PLD5: variants seen among roughly 807,000 people sequenced by gnomAD.
The protein encoded by PLD5 is phospholipase D family member 5.
In PLD5, 36 loss-of-function variants were observed where a neutral mutation model predicts 61.1. That is an observed-to-expected ratio of 0.59 (90% CI 0.45 to 0.78). PLD5 has a LOEUF of 0.78. Among genes scored for constraint, PLD5 ranks in the 30% least tolerant of loss-of-function variants. The pLI, the probability that PLD5 is intolerant of heterozygous loss-of-function variation, is 0.00. For synonymous variants in PLD5, 243 were observed against 242.8 expected (o/e 1.00, Z -0.01); for missense variants, 515 against 644.4 (o/e 0.80, Z 2.17).
chr1:242,199,723 G>A (rs1038292942), intron 5 of PLD5, among the ~76,000 whole-genome samples: 3 of 152,038 alleles, frequency 2.0e-5, no homozygotes, highest in Admixed American at 2.0e-4. Flanking sequence ...GCCTCCATGT[G>A]TACACATTAT....
intron 5 of PLD5, among the ~76,000 whole-genome samples, chr1:242,191,129 T>G (rs560062098): frequency 0.02 from 2,963 of 145,008 alleles, 88 homozygotes; most frequent in African/African-American, 0.079. Flanking sequence ...CTATGGAGTT[T>G]TTTTTTTTTT....
chr1:242,228,012 A>G (rs1273990047), intron 4 of PLD5, among the ~76,000 whole-genome samples: 3 of 152,210 alleles, frequency 2.0e-5, no homozygotes, highest in Non-Finnish European at 2.9e-5. Flanking sequence ...TCTAGGTTAA[A>G]CACTAGTTTC....
At chr1:242,234,124 C>T (rs1228408358) in intron 4 of PLD5, among the ~76,000 whole-genome samples, 1 of 152,090 alleles carries the variant, frequency 6.6e-6, no homozygotes, top group Non-Finnish European at 1.5e-5. Flanking sequence ...ATTTATTCTT[C>T]TTCCAGAAAA....
At chr1:242,228,670 G>A (rs1671105754) in intron 4 of PLD5, among the ~76,000 whole-genome samples, 1 of 151,630 alleles carries the variant, frequency 6.6e-6, no homozygotes. Flanking sequence ...AGGAGGGAGA[G>A]GGAGAGAGAG....
At chr1:242,133,242 C>G (rs1663441686) in intron 5 of PLD5, among the ~76,000 whole-genome samples, 1 of 152,108 alleles carries the variant, frequency 6.6e-6, no homozygotes, top group African/African-American at 2.4e-5. Flanking sequence ...AATTTTGTAA[C>G]TTCACTTTAG....
chr1:242,243,107 C>T (rs1430590681), intron 4 of PLD5, among the ~76,000 whole-genome samples: 1 of 152,222 alleles, frequency 6.6e-6, no homozygotes, highest in Non-Finnish European at 1.5e-5. Context: ...GCATCTGGGG[C>T]TGCCAAACAG....
At chr1:242,190,708 C>A (rs913650452) in intron 5 of PLD5, among the ~76,000 whole-genome samples, 10 of 151,490 alleles carry the variant, frequency 6.6e-5, no homozygotes, top group Admixed American at 5.9e-4. Context: ...ATGGCAAAAC[C>A]TCATCTCTTA....
intron 9 of PLD5, among the ~76,000 whole-genome samples, chr1:242,097,708 C>G (rs1407716296): frequency 6.6e-6 from 1 of 152,174 alleles, no homozygotes; most frequent in Non-Finnish European, 1.5e-5. Flanking sequence ...CCTATTCACT[C>G]TGATGGTAGT....
chr1:242,317,180 A>G (rs980448292), intron 2 of PLD5, among the ~76,000 whole-genome samples: 10 of 151,996 alleles, frequency 6.6e-5, no homozygotes, highest in African/African-American at 2.4e-4. Flanking sequence ...TGCTCGGCTA[A>G]TTTTTTGTAT....
At chr1:242,244,273 C>G (rs1303175706) in intron 4 of PLD5, among the ~76,000 whole-genome samples, 1 of 152,180 alleles carries the variant, frequency 6.6e-6, no homozygotes, top group Non-Finnish European at 1.5e-5. Flanking sequence ...AGGAGCCTCA[C>G]CGGCAGGCAC....
intron 3 of PLD5, among the ~76,000 whole-genome samples, chr1:242,284,348 G>A (rs1286502306): frequency 6.6e-6 from 1 of 151,758 alleles, no homozygotes; most frequent in Non-Finnish European, 1.5e-5. Flanking sequence ...TGTTTGCCAG[G>A]CTGGTTTCAA....
At chr1:242,303,581 T>A (rs1676182590) in intron 2 of PLD5, among the ~76,000 whole-genome samples, 1 of 152,264 alleles carries the variant, frequency 6.6e-6, no homozygotes, top group Admixed American at 6.5e-5. Context: ...GGTTCAGGAT[T>A]TATCCTTGGA....
At chr1:242,312,410 C>T (rs1476384788) in intron 2 of PLD5, among the ~76,000 whole-genome samples, 1 of 152,044 alleles carries the variant, frequency 6.6e-6, no homozygotes. Context: ...TGTGTGCACG[C>T]TTTTTTCTGA....
intron 1 of PLD5, among the ~76,000 whole-genome samples, chr1:242,495,322 C>T (rs182947906): frequency 1.3e-5 from 2 of 152,178 alleles, no homozygotes; most frequent in East Asian, 1.9e-4. Context: ...TAGACGGACA[C>T]CACTTCTTCC....
chr1:242,343,552 G>A (rs1433949064), intron 2 of PLD5, among the ~76,000 whole-genome samples: 1 of 150,800 alleles, frequency 6.6e-6, no homozygotes, highest in African/African-American at 2.4e-5. Context: ...ACTGGTCTGT[G>A]TCAGCACCAG....
rs1443587215 is a variant in PLD5, at chr1:242,383,390, A to C, written c.190-35148T>G. Among the ~76,000 whole-genome samples the C allele has an allele frequency of 2.6e-5, 4 of 151,982 alleles. No individual in the cohort carries two copies. The South Asian group carries it at 8.3e-4, about 32-fold the overall frequency. On this transcript the variant is annotated intron_variant, in intron 1 of 9. Coordinates refer to ENST00000536534, the MANE Select transcript of PLD5 (RefSeq NM_001372062.1). The stretch of plus-strand genomic sequence containing the variant: ...ATTTAAGAAGTTTGTCTATGTCCTC[A>C]TTTTTATATCAAAACCCCTTTTCTC...
At chr1:242,521,800 A>C (rs1470179511) in intron 1 of PLD5, among the ~76,000 whole-genome samples, 1 of 152,194 alleles carries the variant, frequency 6.6e-6, no homozygotes, top group African/African-American at 2.4e-5. Flanking sequence ...TTTACAATGA[A>C]GTCAACATTA....
intron 1 of PLD5, among the ~76,000 whole-genome samples, chr1:242,372,263 C>A (rs1661679952): frequency 6.6e-6 from 1 of 152,138 alleles, no homozygotes; most frequent in African/African-American, 2.4e-5. Context: ...TATTTCCACA[C>A]ACCAGCAGGA....
In PLD5 at chr1:242,372,690, G is replaced by A. The variant is rs1260126381; in HGVS notation, c.190-24448C>T. On this transcript the variant is annotated intron_variant, in intron 1 of 9. Transcript: ENST00000536534. ...CAAACCTGACAAAAACAAGAAATGG[G>A]GAAAGGATTCCCGATTTAATAAATG... Among the ~76,000 whole-genome samples the A allele has an allele frequency of 5.9e-5, 9 of 152,156 alleles. No homozygotes were observed. The East Asian group carries it at 9.6e-4, about 16-fold the overall frequency.
Sources: gnomAD v4.1 joint callset for allele counts (sites outside exome capture counted in the v4.1 genomes callset) on GRCh38, gnomAD v4.1.1 for gene constraint, MANE v1.5 for transcripts, NCBI Gene and HGNC (gene_info 2026-07-23, HGNC 2026-07-21) for gene names.